ZC3H12B: variants seen among roughly 807,000 people sequenced by gnomAD.
ZC3H12B encodes the protein zinc finger CCCH-type containing 12B, also known as probable ribonuclease ZC3H12B.
ZC3H12B carries 7 observed loss-of-function variants against 43.9 expected under a neutral mutation model. That is an observed-to-expected ratio of 0.16 (90% confidence interval 0.09 to 0.30). The LOEUF (loss-of-function observed/expected upper bound fraction) is 0.30. ZC3H12B is among the 10% of genes least tolerant of loss of function. The pLI is 1.00. For missense variants in ZC3H12B, 475 were observed against 670.2 expected (o/e 0.71, Z 3.22); for synonymous variants, 222 against 241.7 (o/e 0.92, Z 0.76).
At chrX:65,393,271 C>T (rs2066651962) in intron 2 of ZC3H12B, among the ~76,000 whole-genome samples, 2 of 111,837 alleles carry the variant, frequency 1.8e-5, no homozygotes, top group African/African-American at 6.5e-5. Context: ...AAAAAAAATT[C>T]AACATCCTTT....
the ZC3H12B span, among the ~76,000 whole-genome samples, chrX:65,149,276 G>T: frequency 5.4e-5 from 6 of 111,645 alleles, no homozygotes; most frequent in African/African-American, 1.3e-4. Context: ...GCACCAGCTG[G>T]GCTGCATCCT....
At chrX:65,399,064 G>A (rs1236495528) in intron 3 of ZC3H12B, among the ~76,000 whole-genome samples, 1 of 112,377 alleles carries the variant, frequency 8.9e-6, no homozygotes, top group Non-Finnish European at 1.9e-5. Context: ...ACCTCAAATT[G>A]TGAAACTACT....
the ZC3H12B span, among the ~76,000 whole-genome samples, chrX:65,163,154 G>A: frequency 5.4e-5 from 6 of 110,859 alleles, no homozygotes; most frequent in South Asian, 3.9e-4. Flanking sequence ...ATACCTGGGC[G>A]TGTGAGGTGT....
chrX:65,123,590 A>G, the ZC3H12B span, among the ~76,000 whole-genome samples: 1 of 109,755 alleles, frequency 9.1e-6, no homozygotes, highest in Non-Finnish European at 1.9e-5. Context: ...TTTTCACAAT[A>G]TTGATTCTAC....
chrX:65,507,499 G>C (rs2068437775), exon 5 of ZC3H12B: 1 of 112,466 alleles, frequency 8.9e-6, no homozygotes, highest in Non-Finnish European at 1.9e-5. Flanking sequence ...TATATACATA[G>C]ATTGACTATT....
chrX:65,385,142 G>C (rs762993657), intron 2 of ZC3H12B, among the ~76,000 whole-genome samples: 17 of 111,861 alleles, frequency 1.5e-4, no homozygotes, highest in Non-Finnish European at 2.3e-4. Flanking sequence ...GCTCTTTTTC[G>C]GTTCTGTGTG....
chrX:65,425,856 GCTTT>G (rs1398080275), intron 3 of ZC3H12B, among the ~76,000 whole-genome samples: 16 of 111,545 alleles, frequency 1.4e-4, no homozygotes, highest in Non-Finnish European at 7.5e-5. Context: ...TACTGGATTT[GCTTT>G]GCCAGTGCTT....
the ZC3H12B span, among the ~76,000 whole-genome samples, chrX:65,136,143 T>A: frequency 9.0e-6 from 1 of 111,674 alleles, no homozygotes; most frequent in Non-Finnish European, 1.9e-5. Context: ...GATGAGACTT[T>A]GGGCCTTGGT....
chrX:65,111,195 C>A, the ZC3H12B span, among the ~76,000 whole-genome samples: 1 of 111,186 alleles, frequency 9.0e-6, no homozygotes, highest in East Asian at 2.8e-4. Context: ...TTATTTCTTC[C>A]TTTCCAATTT....
At chrX:65,172,941 GT>G in the ZC3H12B span, among the ~76,000 whole-genome samples, 1 of 111,793 alleles carries the variant, frequency 8.9e-6, no homozygotes, top group East Asian at 2.8e-4. Context: ...ATTTAAAGTA[GT>G]TTTTTCTAAT....
the ZC3H12B span, among the ~76,000 whole-genome samples, chrX:65,224,656 G>A: frequency 8.9e-6 from 1 of 111,781 alleles, no homozygotes; most frequent in Non-Finnish European, 1.9e-5. Flanking sequence ...CTGGAAAATC[G>A]GGTCACTCCC....
the ZC3H12B span, among the ~76,000 whole-genome samples, chrX:65,361,407 A>C: frequency 8.9e-6 from 1 of 112,117 alleles, no homozygotes; most frequent in Non-Finnish European, 1.9e-5. Flanking sequence ...TCAAATATCC[A>C]GTCCATTTTT....
At chrX:65,330,633 A>C in the ZC3H12B span, among the ~76,000 whole-genome samples, 1 of 111,607 alleles carries the variant, frequency 9.0e-6, no homozygotes, top group Non-Finnish European at 1.9e-5. Context: ...GAATTTTGTC[A>C]AAGGCCTTTT....
the ZC3H12B span, among the ~76,000 whole-genome samples, chrX:65,159,663 C>A: frequency 8.9e-6 from 1 of 112,034 alleles, no homozygotes; most frequent in African/African-American, 3.2e-5. Flanking sequence ...AGATTTTCGG[C>A]TGAGACAATG....
the ZC3H12B span, among the ~76,000 whole-genome samples, chrX:65,247,467 G>A: frequency 8.9e-6 from 1 of 112,479 alleles, no homozygotes; most frequent in Non-Finnish European, 1.9e-5. Flanking sequence ...ATTTACAATA[G>A]CAAAGACATG....
intron 3 of ZC3H12B, among the ~76,000 whole-genome samples, chrX:65,404,872 G>C (rs1310350071): frequency 1.8e-5 from 2 of 112,091 alleles, no homozygotes; most frequent in Non-Finnish European, 3.8e-5. Flanking sequence ...GATACTTACA[G>C]AACATTTTAT....
the ZC3H12B span, among the ~76,000 whole-genome samples, chrX:65,251,764 G>C: frequency 9.0e-6 from 1 of 111,439 alleles, no homozygotes. Context: ...AAGAATGCTT[G>C]TGATTTTTGC....
At chrX:65,381,070 C>A (rs1193642366) in intron 2 of ZC3H12B, among the ~76,000 whole-genome samples, 1 of 111,096 alleles carries the variant, frequency 9.0e-6, no homozygotes, top group Non-Finnish European at 1.9e-5. Flanking sequence ...CAAAGATACC[C>A]AGGAATTGAA....
At chrX:65,214,974 TTGAG>T in the ZC3H12B span, among the ~76,000 whole-genome samples, 1 of 111,801 alleles carries the variant, frequency 8.9e-6, no homozygotes, top group Non-Finnish European at 1.9e-5. Context: ...ATCAGAGTTA[TTGAG>T]TGTCTAGGTG....
Sources: allele counts gnomAD v4.1 joint callset (sites outside exome capture counted in the v4.1 genomes callset), GRCh38; gene constraint gnomAD v4.1.1; transcripts MANE v1.5; gene names NCBI Gene and HGNC (gene_info 2026-07-23, HGNC 2026-07-21).